LHFPL3: variants seen among roughly 807,000 people sequenced by gnomAD.
The protein encoded by LHFPL3 is LHFPL tetraspan subfamily member 3 protein.
Under a neutral mutation model 19.3 loss-of-function variants are expected in LHFPL3, and 5 were observed. That is an observed-to-expected ratio of 0.26 (90% CI 0.14 to 0.54). LHFPL3 has a LOEUF of 0.54. LHFPL3 is among the 20% of genes least tolerant of loss of function. The pLI is 0.94. For synonymous variants in LHFPL3, 133 were observed against 126.2 expected (o/e 1.05, Z -0.36); for missense variants, 249 against 307.4 (o/e 0.81, Z 1.42).
intron 1 of LHFPL3, among the ~76,000 whole-genome samples, chr7:104,551,490 C>T (rs928314585): frequency 6.6e-6 from 1 of 152,050 alleles, no homozygotes; most frequent in African/African-American, 2.4e-5. Flanking sequence ...GCCCTTCCAC[C>T]CCTCCCTTGG....
intron 1 of LHFPL3, among the ~76,000 whole-genome samples, chr7:104,413,902 T>C (rs949768431): frequency 6.6e-6 from 1 of 152,250 alleles, no homozygotes; most frequent in African/African-American, 2.4e-5. Context: ...AGGAACTCTT[T>C]TTAGATTTTC....
intron 1 of LHFPL3, among the ~76,000 whole-genome samples, chr7:104,590,649 T>A (rs571612928): frequency 5.9e-5 from 9 of 152,310 alleles, no homozygotes; most frequent in African/African-American, 2.2e-4. Flanking sequence ...CAGAGCTGAG[T>A]TCAGTTCCTG....
At chr7:104,766,712 C>T (rs1238981645) in intron 2 of LHFPL3, among the ~76,000 whole-genome samples, 1 of 152,208 alleles carries the variant, frequency 6.6e-6, no homozygotes, top group Non-Finnish European at 1.5e-5. Context: ...AGATGAGTGG[C>T]AGAAGGTTGA....
At chr7:104,759,858 G>A (rs1794344446) in intron 2 of LHFPL3, 2 of 152,234 alleles carry the variant, frequency 1.3e-5, no homozygotes, top group South Asian at 4.1e-4. Flanking sequence ...TTTTGCAGAG[G>A]AGAAAATCAA....
At chr7:104,845,372 A>C in intron 2 of LHFPL3, 1 of 1,483,996 alleles carries the variant, frequency 6.7e-7, no homozygotes, top group Non-Finnish European at 9.1e-7. Context: ...TTTTCCTCCC[A>C]CACTCTCAGA....
chr7:104,856,853 T>C (rs1428485305), intron 2 of LHFPL3, among the ~76,000 whole-genome samples: 1 of 152,212 alleles, frequency 6.6e-6, no homozygotes, highest in African/African-American at 2.4e-5. Context: ...GTTCTGTACA[T>C]TAACTGATCT....
intron 1 of LHFPL3, among the ~76,000 whole-genome samples, chr7:104,464,496 T>C (rs938497899): frequency 6.6e-6 from 1 of 152,222 alleles, no homozygotes; most frequent in Non-Finnish European, 1.5e-5. Flanking sequence ...CTGTGAGGGT[T>C]CCACCCCTGA....
intron 1 of LHFPL3, among the ~76,000 whole-genome samples, chr7:104,334,270 G>GGC (rs1289865545): frequency 6.6e-6 from 1 of 152,194 alleles, no homozygotes; most frequent in East Asian, 1.9e-4. Flanking sequence ...TGTTGGGCTG[G>GGC]GTGCAGTGGC....
chr7:104,563,049 C>A (rs969412003), intron 1 of LHFPL3, among the ~76,000 whole-genome samples: 8 of 152,140 alleles, frequency 5.3e-5, no homozygotes, highest in African/African-American at 1.7e-4. Context: ...TCTCAGATCT[C>A]CAGCTGCGTG....
chr7:104,709,507 T>C (rs13311309), intron 1 of LHFPL3, among the ~76,000 whole-genome samples: 55,978 of 134,420 alleles, frequency 0.42, 12,213 homozygotes, highest in East Asian at 0.66. Context: ...CATTTAACCC[T>C]GAGTGGACAC....
chr7:104,389,308 A>T (rs1267938748), intron 1 of LHFPL3, among the ~76,000 whole-genome samples: 1 of 152,236 alleles, frequency 6.6e-6, no homozygotes, highest in Non-Finnish European at 1.5e-5. Flanking sequence ...TCAGAAATAC[A>T]TTCAATGAAA....
chr7:104,517,558 G>A (rs1413595885), intron 1 of LHFPL3, among the ~76,000 whole-genome samples: 3 of 145,200 alleles, frequency 2.1e-5, no homozygotes, highest in Non-Finnish European at 4.5e-5. Flanking sequence ...CCAGGCTGGA[G>A]TGCAATGGTG....
intron 2 of LHFPL3, among the ~76,000 whole-genome samples, chr7:104,861,184 G>A (rs554642960): frequency 1.9e-4 from 29 of 152,170 alleles, no homozygotes; most frequent in Non-Finnish European, 4.0e-4. Context: ...TGGGGAAAAG[G>A]AGAAGAAAGG....
At position 104,454,815 on chromosome 7, in the gene LHFPL3, G is replaced by A. The variant is rs142527774; in HGVS notation, c.445+125591G>A. Among the ~76,000 whole-genome samples the A allele has an allele frequency of 5.3e-5, 8 of 152,224 alleles. No homozygotes were observed. In the East Asian group the frequency reaches 1.4e-3, roughly 26 times the overall value. Reference sequence around the variant, plus strand: ...ATTAAAAGACAGAAGGGGCATAATTGCCTAACTGTTCAATTCTTTAATTCC... The same window carrying A: ...ATTAAAAGACAGAAGGGGCATAATTACCTAACTGTTCAATTCTTTAATTCC... On this transcript the variant is annotated intron_variant, in intron 1 of 2. Coordinates refer to ENST00000424859, the MANE Select transcript of LHFPL3 (RefSeq NM_199000.3).
intron 1 of LHFPL3, among the ~76,000 whole-genome samples, chr7:104,555,269 T>G (rs1472378141): frequency 6.6e-6 from 1 of 152,212 alleles, no homozygotes; most frequent in Non-Finnish European, 1.5e-5. Flanking sequence ...TTAATGGGAT[T>G]TGTACCCTTA....
At chr7:104,418,619 G>C (rs954807987) in intron 1 of LHFPL3, among the ~76,000 whole-genome samples, 2 of 152,194 alleles carry the variant, frequency 1.3e-5, no homozygotes, top group African/African-American at 4.8e-5. Context: ...CTGTGATACA[G>C]TGTGGTAAGT....
intron 2 of LHFPL3, among the ~76,000 whole-genome samples, chr7:104,824,726 T>A (rs183857264): frequency 0.16 from 16,074 of 98,940 alleles, 1,204 homozygotes; most frequent in East Asian, 0.33. Flanking sequence ...ATATATATAT[T>A]TTTTGAAACA....
intron 1 of LHFPL3, among the ~76,000 whole-genome samples, chr7:104,715,871 T>C (rs1034303234): frequency 2.0e-5 from 3 of 152,230 alleles, no homozygotes; most frequent in Non-Finnish European, 2.9e-5. Context: ...GTGGTGTCTT[T>C]GCCTGGCTTT....
intron 2 of LHFPL3, among the ~76,000 whole-genome samples, chr7:104,849,422 G>A (rs940950123): frequency 1.3e-5 from 2 of 152,218 alleles, no homozygotes; most frequent in Admixed American, 1.3e-4. Flanking sequence ...TGCTCCCTCA[G>A]GGCCCTGCAC....
Sources: allele counts gnomAD v4.1 joint callset (sites outside exome capture counted in the v4.1 genomes callset), GRCh38; gene constraint gnomAD v4.1.1; transcripts MANE v1.5; gene names NCBI Gene and HGNC (gene_info 2026-07-23, HGNC 2026-07-21).